LRP1B: variants seen among roughly 807,000 people sequenced by gnomAD.
LRP1B encodes the protein low-density lipoprotein receptor-related protein 1B.
In LRP1B, 217 loss-of-function variants were observed where a neutral mutation model predicts 556.6. That is an observed-to-expected ratio of 0.39 (90% CI 0.35 to 0.44). The LOEUF (loss-of-function observed/expected upper bound fraction) is 0.44. Ranked by LOEUF, LRP1B falls within the 20% of genes least tolerant of loss-of-function variation. The pLI is 1.00. For synonymous variants in LRP1B, 2,047 were observed against 1,865.8 expected (o/e 1.10, Z -2.50); for missense variants, 5,053 against 5,620.8 (o/e 0.90, Z 3.23).
At chr2:140,711,515 C>A (rs575737211) in intron 37 of LRP1B, among the ~76,000 whole-genome samples, 1 of 152,048 alleles carries the variant, frequency 6.6e-6, no homozygotes, top group South Asian at 2.1e-4. Context: ...TAACTGCCAA[C>A]TTTGATCTAT....
At chr2:140,467,612 CAA>C (rs36060070) in intron 60 of LRP1B, among the ~76,000 whole-genome samples, 2,775 of 85,804 alleles carry the variant, frequency 0.032, 25 homozygotes, top group African/African-American at 0.047. Flanking sequence ...AACTCCATCT[CAA>C]AAAAAAAAAA....
chr2:140,652,986 C>T (rs1384324750), intron 41 of LRP1B, among the ~76,000 whole-genome samples: 1 of 151,790 alleles, frequency 6.6e-6, no homozygotes, highest in Non-Finnish European at 1.5e-5. Flanking sequence ...TTTACAAAAT[C>T]TAAGAAAGCT....
At chr2:141,745,631 G>A (rs1355505331) in intron 2 of LRP1B, among the ~76,000 whole-genome samples, 1 of 151,248 alleles carries the variant, frequency 6.6e-6, no homozygotes, top group Non-Finnish European at 1.5e-5. Flanking sequence ...AAGAGTCAAG[G>A]CCTGGAACTG....
chr2:141,115,320 A>G (rs1700860130), intron 7 of LRP1B, among the ~76,000 whole-genome samples: 1 of 152,200 alleles, frequency 6.6e-6, no homozygotes, highest in African/African-American at 2.4e-5. Flanking sequence ...TGATAGGAAT[A>G]GACAAGGATT....
intron 32 of LRP1B, among the ~76,000 whole-genome samples, chr2:140,779,088 A>G (rs1689597352): frequency 7.5e-6 from 1 of 133,268 alleles, no homozygotes. Context: ...AATTTTTAAG[A>G]CTATAAAATG....
At chr2:141,215,960 T>C (rs561545661) in intron 6 of LRP1B, among the ~76,000 whole-genome samples, 3 of 152,324 alleles carry the variant, frequency 2.0e-5, no homozygotes, top group African/African-American at 7.2e-5. Flanking sequence ...GCTGAGCAAA[T>C]ACTTGCTACA....
At chr2:140,536,913 C>T (rs1679929713) in intron 45 of LRP1B, among the ~76,000 whole-genome samples, 1 of 151,380 alleles carries the variant, frequency 6.6e-6, no homozygotes, top group South Asian at 2.1e-4. Flanking sequence ...GTGGCTCACG[C>T]CTGTAATCTC....
rs557031997 is a variant in LRP1B, at chr2:140,386,027, A to G, written c.10415-18T>C. Reference sequence around the variant, plus strand: ...CTTTTTATCTGTAATGGAAAGAACCAGAGTTTGCATTGTAGATTTCCATGA... The same window carrying G: ...CTTTTTATCTGTAATGGAAAGAACCGGAGTTTGCATTGTAGATTTCCATGA... On this transcript the variant is annotated intron_variant, in intron 66 of 90. Coordinates refer to ENST00000389484, the MANE Select transcript of LRP1B (RefSeq NM_018557.3). 4.7e-6 allele frequency: 7 copies of G among 1,482,130 alleles called. No individual in the cohort carries two copies. The Admixed American group carries it at 1.0e-4, about 22-fold the overall frequency. 91.8% of individuals were successfully genotyped at this position (1,482,130 alleles called of 1,614,324 possible).
At chr2:141,281,526 A>T (rs1023860675) in intron 3 of LRP1B, among the ~76,000 whole-genome samples, 1 of 152,076 alleles carries the variant, frequency 6.6e-6, no homozygotes, top group Non-Finnish European at 1.5e-5. Context: ...TGCTTAATGA[A>T]ATATTAAAAG....
chr2:140,780,386 A>G (rs758599188), intron 32 of LRP1B, among the ~76,000 whole-genome samples: 2 of 152,204 alleles, frequency 1.3e-5, no homozygotes. Flanking sequence ...TGACTAAAGA[A>G]AAAGGCCATT....
chr2:140,645,462 T>C (rs928335552), intron 41 of LRP1B, among the ~76,000 whole-genome samples: 6 of 151,980 alleles, frequency 3.9e-5, no homozygotes, highest in Non-Finnish European at 5.9e-5. Context: ...GCCCTTCTAC[T>C]GTCTCTGAGT....
At chr2:140,969,379 G>T (rs983747448) in intron 18 of LRP1B, among the ~76,000 whole-genome samples, 27 of 152,134 alleles carry the variant, frequency 1.8e-4, no homozygotes, top group Admixed American at 1.8e-3. Context: ...CCATTTGCTT[G>T]GTAGATCTTC....
intron 3 of LRP1B, among the ~76,000 whole-genome samples, chr2:141,265,621 A>G (rs896431643): frequency 2.6e-5 from 4 of 152,220 alleles, no homozygotes; most frequent in African/African-American, 9.6e-5. Flanking sequence ...GATCTACTCA[A>G]AATTGCTATG....
intron 43 of LRP1B, among the ~76,000 whole-genome samples, chr2:140,586,210 C>A (rs6733020): frequency 0.026 from 3,887 of 152,076 alleles, 133 homozygotes; most frequent in African/African-American, 0.077. Context: ...AAAAAGCAAC[C>A]CAGCTGGGTA....
intron 18 of LRP1B, among the ~76,000 whole-genome samples, chr2:140,967,436 T>G (rs561833755): frequency 6.6e-6 from 1 of 152,220 alleles, no homozygotes; most frequent in African/African-American, 2.4e-5. Flanking sequence ...AAGGAGATTT[T>G]GGGCTGAGAT....
chr2:142,110,192 A>G (rs1203314766), intron 1 of LRP1B, among the ~76,000 whole-genome samples: 1 of 152,060 alleles, frequency 6.6e-6, no homozygotes, highest in Non-Finnish European at 1.5e-5. Flanking sequence ...CTCTTTTTTC[A>G]AGAAGTAAAG....
chr2:141,915,486 A>C (rs937367084), intron 1 of LRP1B, among the ~76,000 whole-genome samples: 1 of 152,232 alleles, frequency 6.6e-6, no homozygotes, highest in Non-Finnish European at 1.5e-5. Flanking sequence ...TCAAAGTAGA[A>C]GAAAACCTGG....
At chr2:140,361,341 C>CATATATATATATATATACATATAT (rs1682492834) in intron 72 of LRP1B, among the ~76,000 whole-genome samples, 2 of 30,714 alleles carry the variant, frequency 6.5e-5, no homozygotes, top group Non-Finnish European at 6.5e-5. Flanking sequence ...ACTTGGAAAG[C>CATATATATATATATATACATATAT]ATATATATAT....
chr2:141,159,160 G>A (rs1359216201), intron 7 of LRP1B, among the ~76,000 whole-genome samples: 1 of 152,092 alleles, frequency 6.6e-6, no homozygotes, highest in Non-Finnish European at 1.5e-5. Context: ...ATTTAGATTA[G>A]TCGTTATAAA....
Sources: gnomAD v4.1 joint callset for allele counts (sites outside exome capture counted in the v4.1 genomes callset) on GRCh38, gnomAD v4.1.1 for gene constraint, MANE v1.5 for transcripts, NCBI Gene and HGNC (gene_info 2026-07-23, HGNC 2026-07-21) for gene names.